SMARCA5: variants seen among roughly 807,000 people sequenced by gnomAD.
The protein encoded by SMARCA5 is SWI/SNF-related matrix-associated actin-dependent regulator of chromatin subfamily A member 5.
Under a neutral mutation model 140.4 loss-of-function variants are expected in SMARCA5, and 18 were observed. That is an observed-to-expected ratio of 0.13 (90% CI 0.09 to 0.19). The LOEUF (loss-of-function observed/expected upper bound fraction) is 0.19. SMARCA5 is among the 10% of genes least tolerant of loss of function. The probability of loss-of-function intolerance (pLI) is 1.00; values close to 1 mark genes in which losing one functional copy is unlikely to be tolerated. For missense variants in SMARCA5, 606 were observed against 1,276.8 expected (o/e 0.47, Z 8.01); for synonymous variants, 449 against 419.6 (o/e 1.07, Z -0.86).
chr4:143,528,366 T>A (rs768622188), intron 7 of SMARCA5, among the ~76,000 whole-genome samples: 10 of 152,194 alleles, frequency 6.6e-5, no homozygotes, highest in Non-Finnish European at 1.0e-4. Flanking sequence ...TGTGTTAGTT[T>A]ACTGAGAATG....
intron 19 of SMARCA5, among the ~76,000 whole-genome samples, chr4:143,546,494 T>C (rs1737529013): frequency 6.6e-6 from 1 of 152,180 alleles, no homozygotes; most frequent in African/African-American, 2.4e-5. Context: ...TTATTCACTC[T>C]TTCTGGCCAA....
At chr4:143,540,611 A>G (rs1362753511) in intron 14 of SMARCA5, 116 bp downstream of exon 14, 1 of 916,402 alleles carries the variant, frequency 1.1e-6, no homozygotes, top group African/African-American at 1.7e-5. Context: ...GCTTGCAGCC[A>G]GTAGAGATGA....
At chr4:143,524,220 C>G in intron 3 of SMARCA5, 147 bp from the exon 4 acceptor site, 1 of 492,200 alleles carries the variant, frequency 2.0e-6, no homozygotes. Flanking sequence ...TTTAAATGTA[C>G]TCATATTTTC....
intron 11 of SMARCA5, among the ~76,000 whole-genome samples, chr4:143,537,917 CAAAAAAAA>C (rs34592654): frequency 5.9e-5 from 6 of 101,462 alleles, no homozygotes; most frequent in African/African-American, 2.3e-4. Flanking sequence ...GACTCCATCT[CAAAAAAAA>C]AAAAAAAAAA....
At chr4:143,543,779 G>T (rs1560820803) in intron 15 of SMARCA5, 74 bp from the exon 16 acceptor site, 2 of 1,541,286 alleles carry the variant, frequency 1.3e-6, no homozygotes, top group Admixed American at 4.2e-5. Context: ...TGTACGTGAA[G>T]TTAATTTATT....
At position 143,549,024 on chromosome 4, in the gene SMARCA5, A is replaced by G. The variant is rs184226040; in HGVS notation, c.2985+884A>G. The stretch of plus-strand genomic sequence containing the variant: ...TGAAGATAAAACACTGTATAAATAT[A>G]TAATTAGAGAAAAGATCCAGTTGCT... On this transcript the variant is annotated intron_variant, in intron 22 of 23. Coordinates refer to ENST00000283131, the MANE Select transcript of SMARCA5 (RefSeq NM_003601.4). Among the ~76,000 whole-genome samples, 871 of 152,234 alleles carry G rather than the reference A, an allele frequency of 5.7e-3. 11 individuals are homozygous for G. The highest frequency in any genetic ancestry group is 0.02 in the African/African-American group (832 of 41,562).
At chr4:143,540,014 G>A (rs1022481640) in intron 13 of SMARCA5, among the ~76,000 whole-genome samples, 12 of 152,186 alleles carry the variant, frequency 7.9e-5, no homozygotes, top group African/African-American at 2.4e-5. Context: ...TAGAATTTTT[G>A]TGTTGTTTGC....
intron 22 of SMARCA5, 99 bp downstream of exon 22, chr4:143,548,239 A>G (rs1737570378): frequency 6.3e-6 from 4 of 634,074 alleles, no homozygotes; most frequent in Non-Finnish European, 8.1e-6. Flanking sequence ...TATGAAGTAG[A>G]CTTTTGTTAC....
At chr4:143,538,365 G>A (rs1032615934) in intron 11 of SMARCA5, among the ~76,000 whole-genome samples, 1 of 152,122 alleles carries the variant, frequency 6.6e-6, no homozygotes, top group African/African-American at 2.4e-5. Context: ...CCAGACCAGA[G>A]GCAAATATGC....
intron 4 of SMARCA5, among the ~76,000 whole-genome samples, chr4:143,524,905 A>C (rs1737036195): frequency 6.6e-6 from 1 of 152,188 alleles, no homozygotes; most frequent in African/African-American, 2.4e-5. Context: ...CACTGTGTAC[A>C]TATTAAAAAA....
rs1289678489 is a variant in SMARCA5, at chr4:143,535,079, A to G, written c.1268+115A>G. ...ATTCCAATTTGCTGGATTGAACTCAACCTGAAAAGAGTTTTCTTGTCACGT... is the reference window on the plus strand; with the variant it reads ...ATTCCAATTTGCTGGATTGAACTCAGCCTGAAAAGAGTTTTCTTGTCACGT... On this transcript the variant is annotated intron_variant, in intron 10 of 23. Transcript: ENST00000283131. 5 of 686,916 alleles carry G rather than the reference A, an allele frequency of 7.3e-6. No individual in the cohort carries two copies. The South Asian group carries it at 8.8e-5, about 12-fold the overall frequency. 42.6% of individuals were successfully genotyped at this position (686,916 alleles called of 1,614,324 possible).
Position 143,556,435 on chromosome 4 carries a change from A to G in SMARCA5, c.*3251A>G, listed in dbSNP as rs1737758604. ...AATCTAAAAAACAAATCTTTTTGAA[A>G]GGATGTGCTACTATATTTCAAACCA... On this transcript the variant is annotated 3_prime_UTR_variant, in exon 24 of 24. Coordinates refer to ENST00000283131, the MANE Select transcript of SMARCA5 (RefSeq NM_003601.4). 1 of 152,190 alleles carries G rather than the reference A, an allele frequency of 6.6e-6. No individual in the cohort carries two copies. Among genetic ancestry groups the G allele is most frequent in the Admixed American group, 6.5e-5 (1 of 15,278 alleles). 9.4% of individuals were successfully genotyped at this position (152,190 alleles called of 1,614,324 possible). A position where few individuals can be genotyped will look rare whatever the true frequency, so the allele number is the denominator to read the frequency against.
At position 143,547,509 on chromosome 4, in the gene SMARCA5, T is replaced by A. The variant is rs745557645; in HGVS notation, c.2772+6T>A. 2.0e-6 allele frequency: 3 copies of A among 1,466,432 alleles called. No homozygotes were observed. In the African/African-American group the frequency reaches 4.2e-5, roughly 20 times the overall value. 90.8% of individuals were successfully genotyped at this position (1,466,432 alleles called of 1,614,324 possible). On this transcript the variant is annotated splice_donor_region_variant and intron_variant, in intron 21 of 23. Coordinates refer to ENST00000283131, the MANE Select transcript of SMARCA5 (RefSeq NM_003601.4). ...AGAAAGCACTTGACACAAAGGTAAT[T>A]TGCTTGTTAATAAGTTAGGTAGTTA...
At chr4:143,521,918 GAATAA>G (rs1435195012) in intron 3 of SMARCA5, among the ~76,000 whole-genome samples, 1 of 110,752 alleles carries the variant, frequency 9.0e-6, no homozygotes, top group East Asian at 2.6e-4. Flanking sequence ...AAAAAAAAAA[GAATAA>G]AACTGCATAA....
At chr4:143,532,878 T>G (rs1396982134) in intron 9 of SMARCA5, among the ~76,000 whole-genome samples, 2 of 152,134 alleles carry the variant, frequency 1.3e-5, no homozygotes, top group African/African-American at 4.8e-5. Flanking sequence ...AGAGAACCGG[T>G]GGGGCTAAAG....
At chr4:143,541,630 C>T (rs1481805706) in intron 14 of SMARCA5, among the ~76,000 whole-genome samples, 3 of 152,150 alleles carry the variant, frequency 2.0e-5, no homozygotes, top group Admixed American at 6.5e-5. Context: ...GGTTAAATTA[C>T]TTGTTCATTG....
chr4:143,538,460 A>T, intron 11 of SMARCA5, 130 bp from the exon 12 acceptor site: 1 of 709,552 alleles, frequency 1.4e-6, no homozygotes, highest in Non-Finnish European at 2.4e-6. Flanking sequence ...TAATGTGTAG[A>T]TTTTTTTCCC....
intron 5 of SMARCA5, among the ~76,000 whole-genome samples, chr4:143,525,923 C>G (rs1737058265): frequency 6.6e-6 from 1 of 152,050 alleles, no homozygotes; most frequent in East Asian, 1.9e-4. Context: ...TTGTTAACTA[C>G]TAGTTATGTA....
At chr4:143,519,562 C>T (rs950595517) in intron 2 of SMARCA5, among the ~76,000 whole-genome samples, 1 of 151,968 alleles carries the variant, frequency 6.6e-6, no homozygotes, top group Admixed American at 6.6e-5. Context: ...CTTTTCGTTT[C>T]TTCCAGGTTT....
Sources: allele counts gnomAD v4.1 joint callset (sites outside exome capture counted in the v4.1 genomes callset), GRCh38; gene constraint gnomAD v4.1.1; transcripts MANE v1.5; gene names NCBI Gene and HGNC (gene_info 2026-07-23, HGNC 2026-07-21).